EPHA10: variants seen among roughly 807,000 people sequenced by gnomAD.
EPHA10 encodes EPH receptor A10.
EPHA10 carries 120 observed loss-of-function variants against 109.7 expected under a neutral mutation model. The ratio of observed to expected loss-of-function variants is 1.09; its 90% CI spans 0.94 to 1.27. The LOEUF is 1.27. Ranked by LOEUF, EPHA10 falls within the 50% of genes most tolerant of loss-of-function variation. The pLI is 0.00. For synonymous variants in EPHA10, 640 were observed against 618.9 expected (o/e 1.03, Z -0.51); for missense variants, 1,396 against 1,411.1 (o/e 0.99, Z 0.17).
At chr1:37,761,256 G>C in intron 3 of EPHA10, 149 bp downstream of exon 3, 1 of 1,504,422 alleles carries the variant, frequency 6.6e-7, no homozygotes, top group Non-Finnish European at 8.8e-7. Context: ...AACTCCACAA[G>C]ACTTCAGGGC....
At position 37,727,309 on chromosome 1, in the gene EPHA10, A is replaced by G. The variant is rs1040766010; in HGVS notation, c.1664-99T>C. The G allele has an allele frequency of 3.1e-6, 3 of 962,390 alleles. No homozygotes were observed. The Admixed American group carries it at 9.6e-5, about 31-fold the overall frequency. 59.6% of individuals were successfully genotyped at this position (962,390 alleles called of 1,614,324 possible). On this transcript the variant is annotated intron_variant, in intron 7 of 16. Transcript: ENST00000373048. ...CCTCACCCTGTAGCAGGATTCCCATAGCACCTCTGCACTTGGCACTGCCTC... is the reference window on the plus strand; with the variant it reads ...CCTCACCCTGTAGCAGGATTCCCATGGCACCTCTGCACTTGGCACTGCCTC...
chr1:37,729,746 G>A (rs12565021), intron 7 of EPHA10, among the ~76,000 whole-genome samples: 1,837 of 151,990 alleles, frequency 0.012, 59 homozygotes, highest in East Asian at 0.095. Context: ...GGTGGCAAGC[G>A]CCTGTGGTCT....
intron 3 of EPHA10, among the ~76,000 whole-genome samples, chr1:37,759,806 AAAG>A (rs964462827): frequency 2.6e-5 from 4 of 152,044 alleles, no homozygotes; most frequent in African/African-American, 9.7e-5. Context: ...AAAAAAAAAA[AAAG>A]AAGTTCTTAA....
At chr1:37,722,201 T>C in intron 10 of EPHA10, 1 of 234,880 alleles carries the variant, frequency 4.3e-6, no homozygotes, top group South Asian at 5.5e-5. Context: ...ACCAGCAGTG[T>C]GACCTCGAAT....
intron 2 of EPHA10, among the ~76,000 whole-genome samples, chr1:37,762,535 A>G (rs1366550816): frequency 6.6e-6 from 1 of 151,696 alleles, no homozygotes; most frequent in African/African-American, 2.4e-5. Flanking sequence ...AGCTCCATCC[A>G]GATGCCACAT....
intron 8 of EPHA10, among the ~76,000 whole-genome samples, chr1:37,724,966 T>C (rs1376287317): frequency 1.3e-5 from 2 of 152,104 alleles, no homozygotes. Flanking sequence ...GGAGTAATAG[T>C]GGGCTCCCAA....
intron 6 of EPHA10, among the ~76,000 whole-genome samples, chr1:37,732,043 G>C (rs1199565760): frequency 1.3e-5 from 2 of 152,162 alleles, no homozygotes; most frequent in Non-Finnish European, 2.9e-5. Context: ...TTTCACAACT[G>C]TCCTGCAAGG....
chr1:37,732,341 C>G (rs533000416), intron 6 of EPHA10, among the ~76,000 whole-genome samples: 1 of 152,098 alleles, frequency 6.6e-6, no homozygotes, highest in African/African-American at 2.4e-5. Flanking sequence ...TGCTGCCCCC[C>G]GCTCCACCCC....
chr1:37,762,690 G>T, intron 2 of EPHA10, 95 bp downstream of exon 2: 2 of 1,132,648 alleles, frequency 1.8e-6, no homozygotes, highest in Non-Finnish European at 2.4e-6. Flanking sequence ...ACTCTGAGGA[G>T]CACTTTTGTC....
Position 37,718,290 on chromosome 1 carries a change from G to A in EPHA10, c.*82C>T, listed in dbSNP as rs902700522. The A allele has an allele frequency of 7.4e-6, 9 of 1,218,954 alleles. No individual in the cohort carries two copies. In the African/African-American group the frequency reaches 7.6e-5, roughly 10 times the overall value. 75.5% of individuals were successfully genotyped at this position (1,218,954 alleles called of 1,614,324 possible). On this transcript the variant is annotated 3_prime_UTR_variant, in exon 17 of 17. Coordinates refer to ENST00000373048, the MANE Select transcript of EPHA10 (RefSeq NM_001099439.2). ...GAGAGCGCTCCCTCCCACACTGCTG[G>A]AGCGCAGCTTGCCACGGTCCTTGGG...
intron 5 of EPHA10, among the ~76,000 whole-genome samples, chr1:37,736,234 C>T (rs139684259): frequency 4.6e-5 from 7 of 152,012 alleles, no homozygotes; most frequent in East Asian, 1.9e-4. Context: ...GATCACTTGA[C>T]GTCAGGTCGA....
chr1:37,761,858 T>G lies in EPHA10; in HGVS notation c.397A>C (p.Thr133Pro). Residue 133 changes from threonine (T) to proline (P), a missense_variant, in exon 3 of 17, where the codon ACT becomes CCT. Physicochemically the swap from Thr to Pro is conservative, Grantham distance 38. Transcript: ENST00000373048. Reference sequence around the variant, plus strand: ...CGCCCACGGCCCAGGTCGGCCTCAGTTTCCAGGTAGTAGACGTTGAAGGTC... The same window carrying G: ...CGCCCACGGCCCAGGTCGGCCTCAGGTTCCAGGTAGTAGACGTTGAAGGTC... ...KETFNVYYLE[T>P]EADLGRGRPR... is the part of the protein sequence containing the mutation. 6.2e-7 allele frequency: 1 copy of G among 1,612,882 alleles called. No homozygotes were observed. Among genetic ancestry groups the G allele is most frequent in the Non-Finnish European group, 8.5e-7 (1 of 1,179,228 alleles).
intron 5 of EPHA10, among the ~76,000 whole-genome samples, chr1:37,739,125 A>C (rs1256447045): frequency 6.6e-6 from 1 of 152,120 alleles, no homozygotes; most frequent in African/African-American, 2.4e-5. Context: ...CGCTGTGTAC[A>C]TGTACCCTAG....
chr1:37,754,388 T>C lies in EPHA10; in HGVS notation c.851-18A>G. ...GGGACAGGCTGCAGGGCATGGCTGG[T>C]GAGAAGAGGGGGCTCCTCCAGTTTC... On this transcript the variant is annotated intron_variant, in intron 3 of 16. Coordinates refer to ENST00000373048, the MANE Select transcript of EPHA10 (RefSeq NM_001099439.2). The surrounding 1 kb of genome is among the most constrained non-coding windows in gnomAD (Gnocchi z 4.5). 1 of 1,291,572 alleles carries C rather than the reference T, an allele frequency of 7.7e-7. No individual in the cohort carries two copies. Among genetic ancestry groups the C allele is most frequent in the Non-Finnish European group, 9.9e-7 (1 of 1,015,040 alleles). 80.0% of individuals were successfully genotyped at this position (1,291,572 alleles called of 1,614,324 possible). A position where few individuals can be genotyped will look rare whatever the true frequency, so the allele number is the denominator to read the frequency against.
rs752601471 is a variant in EPHA10, at chr1:37,761,786, C to CCG, written c.467_468dup (p.Ala157ArgfsTer16). ...TCGCCCTGCGTGAAGCTCTCGTCCG[C>CCG]CGCGATCGTGTCGATTTTGCGGGGC... On this transcript the variant is annotated frameshift_variant, in exon 3 of 17. Transcript: ENST00000373048. LOFTEE classifies it high-confidence loss of function. The CCG allele has an allele frequency of 6.2e-7, 1 of 1,613,814 alleles. No individual in the cohort carries two copies. The highest frequency in any genetic ancestry group is 8.5e-7 in the Non-Finnish European group (1 of 1,179,820).
chr1:37,742,166 T>C (rs1318635927), intron 5 of EPHA10, among the ~76,000 whole-genome samples: 1 of 152,140 alleles, frequency 6.6e-6, no homozygotes, highest in Non-Finnish European at 1.5e-5. Context: ...TCTCCAGCTG[T>C]AGATTTGGGA....
At chr1:37,734,066 G>A (rs564201444) in intron 6 of EPHA10, among the ~76,000 whole-genome samples, 2 of 152,116 alleles carry the variant, frequency 1.3e-5, no homozygotes, top group Non-Finnish European at 2.9e-5. Context: ...ACACTCACAG[G>A]TCTCAACAGA....
chr1:37,761,580 TG>T lies in EPHA10; in HGVS notation c.674del (p.Ala225GlufsTer124). ...VRGLATFPATAAESAFSTLVE... is the reference protein window; with the variant it reads ...VRGLATFPATXAESAFSTLVE... ...CCAGTGTGGAGAAGGCGCTCTCGGC[TG>T]CGGTGGCTGGGAACGTGGCCAGGCC... On this transcript the variant is annotated frameshift_variant, in exon 3 of 17. Coordinates refer to ENST00000373048, the MANE Select transcript of EPHA10 (RefSeq NM_001099439.2). LOFTEE classifies it high-confidence loss of function. 1 of 1,599,128 alleles carries T rather than the reference TG, an allele frequency of 6.3e-7. No individual in the cohort carries two copies. The highest frequency in any genetic ancestry group is 8.5e-7 in the Non-Finnish European group (1 of 1,177,058).
intron 3 of EPHA10, among the ~76,000 whole-genome samples, chr1:37,755,027 T>G (rs930061703): frequency 6.6e-6 from 1 of 152,138 alleles, no homozygotes; most frequent in African/African-American, 2.4e-5. Context: ...CTCGAACTCC[T>G]GGCCTCAAGT....
Sources: allele counts gnomAD v4.1 joint callset (sites outside exome capture counted in the v4.1 genomes callset), GRCh38; gene constraint gnomAD v4.1.1; non-coding constraint Gnocchi (gnomAD v3.1); transcripts MANE v1.5; gene names NCBI Gene and HGNC (gene_info 2026-07-23, HGNC 2026-07-21).